Variants in SPON2 observed in about 807,000 individuals in gnomAD.
SPON2 encodes spondin 2, also known as spondin-2.
SPON2 carries 32 observed loss-of-function variants against 29.9 expected under a neutral mutation model. That is an observed-to-expected ratio of 1.07 (90% CI 0.81 to 1.44). The LOEUF is 1.44. Ranked by LOEUF, SPON2 falls within the 40% of genes most tolerant of loss-of-function variation. The probability of loss-of-function intolerance (pLI) is 0.00; values close to 1 mark genes in which losing one functional copy is unlikely to be tolerated. For synonymous variants in SPON2, 248 were observed against 209.1 expected (o/e 1.19, Z -1.61); for missense variants, 541 against 455.5 (o/e 1.19, Z -1.71).
chr4:1,199,243 A>T (rs918230341), upstream of SPON2: 8 of 152,086 alleles, frequency 5.3e-5, no homozygotes, highest in African/African-American at 1.9e-4. This position sits in a 1 kb window ranked among gnomAD's most constrained non-coding sequence, Gnocchi z 4.5. Flanking sequence ...TACTAAAAAC[A>T]CAAAATTAGC....
chr4:1,171,510 G>T (rs369401229), intron 2 of SPON2, 24 bp from the exon 3 acceptor site: 2 of 1,601,492 alleles, frequency 1.2e-6, no homozygotes, highest in African/African-American at 2.7e-5. Flanking sequence ...CGGCCGCGCC[G>T]CGGACCATGG....
intron 1 of SPON2, among the ~76,000 whole-genome samples, chr4:1,206,427 C>T (rs1023215030): frequency 6.6e-6 from 1 of 152,236 alleles, no homozygotes; most frequent in African/African-American, 2.4e-5. Context: ...AGGCCGGCAG[C>T]CCAGGTTGTG....
rs770649471 is a variant in SPON2 at position 1,167,560 on chromosome 4, C to T, written c.908G>A (p.Arg303His). The T allele has an allele frequency of 1.2e-6, 2 of 1,613,604 alleles. No individual in the cohort carries two copies. The highest frequency in any genetic ancestry group is 1.7e-6 in the Non-Finnish European group (2 of 1,179,998). Reference sequence around the variant, plus strand: ...GTTGGCGGGCTGGACCCGGACGTAGCGAGTCCTGCTCTTGGTCCCGAGCCT... The same window carrying T: ...GTTGGCGGGCTGGACCCGGACGTAGTGAGTCCTGCTCTTGGTCCCGAGCCT... ...CGRLGTKSRT[R>H]YVRVQPANNG... The change falls in exon 6 of 6, where the codon CGC becomes CAC. Residue 303 changes from arginine (R) to histidine (H), a missense_variant. By Grantham distance (29) the Arg-to-His change is conservative. Coordinates refer to ENST00000290902, the MANE Select transcript of SPON2 (RefSeq NM_012445.4).
At chr4:1,189,630 CCCTG>C (rs1727866268) in intron 1 of SPON2, among the ~76,000 whole-genome samples, 1 of 118,144 alleles carries the variant, frequency 8.5e-6, no homozygotes. Context: ...CAGAGTGAGA[CCCTG>C]TCTCAAAAAA....
rs774999563 is a variant in SPON2, at chr4:1,167,616, C to T, written c.852G>A (p.Ser284=). The T allele has an allele frequency of 6.2e-7, 1 of 1,613,038 alleles. No individual in the cohort carries two copies. The highest frequency in any genetic ancestry group is 1.1e-5 in the South Asian group (1 of 90,976). ...TPLDCEVSLW[S]SWGLCGGHCG... The stretch of plus-strand genomic sequence containing the variant: ...AGTGGCCTCCGCACAGTCCCCAGGA[C>T]GACCACAGGGAGACCTCGCAGTCCA... Residue 284 remains serine (S), a synonymous_variant, in exon 6 of 6, where the codon TCG becomes TCA. Transcript: ENST00000290902.
intron 1 of SPON2, chr4:1,200,976 T>C: frequency 2.2e-6 from 1 of 456,738 alleles, no homozygotes; most frequent in Non-Finnish European, 4.4e-6. Context: ...CGCCAGGGCC[T>C]TCTAGACGGT....
chr4:1,170,865 A>G (rs1046109449), intron 4 of SPON2, 134 bp downstream of exon 4: 113 of 1,276,290 alleles, frequency 8.9e-5, no homozygotes, highest in Non-Finnish European at 1.2e-4. Flanking sequence ...TGCTGGCGCT[A>G]GAAGCAGAGC....
At chr4:1,200,836 G>A in intron 1 of SPON2, 2 of 456,638 alleles carry the variant, frequency 4.4e-6, no homozygotes, top group Non-Finnish European at 8.8e-6. Flanking sequence ...TGGAGGTGGG[G>A]CCAAGTCTGC....
intron 5 of SPON2, among the ~76,000 whole-genome samples, chr4:1,169,165 C>T (rs974932315): frequency 6.6e-6 from 1 of 152,002 alleles, no homozygotes; most frequent in Non-Finnish European, 1.5e-5. Context: ...GCCATGTGCT[C>T]CCCTGCCCAC....
intron 1 of SPON2, 132 bp downstream of exon 1, chr4:1,172,412 G>A (rs1727489048): frequency 2.3e-6 from 1 of 438,670 alleles, no homozygotes; most frequent in Non-Finnish European, 4.2e-6. Context: ...CTGCCCCCGG[G>A]ACTAGACCCT....
chr4:1,172,121 G>T (rs781152143), intron 1 of SPON2, 47 bp from the exon 2 acceptor site: 3 of 1,551,506 alleles, frequency 1.9e-6, no homozygotes, highest in Non-Finnish European at 1.8e-6. Flanking sequence ...CGTCGTGGCA[G>T]CCTCGGGGTG....
chr4:1,169,905 C>T, intron 5 of SPON2: 1 of 162,578 alleles, frequency 6.2e-6, no homozygotes, highest in Non-Finnish European at 1.3e-5. Flanking sequence ...CCAGCCTGCC[C>T]TGTCCAGCAG....
chr4:1,186,306 TG>T (rs1421846029), intron 1 of SPON2, among the ~76,000 whole-genome samples: 88 of 143,236 alleles, frequency 6.1e-4, no homozygotes, highest in Non-Finnish European at 9.7e-4. Context: ...TGGGAGAAAA[TG>T]TTTTTTTTTT....
chr4:1,171,529 T>C lies in SPON2; in HGVS notation c.221-43A>G, dbSNP rs1225972235. 7 of 1,584,068 alleles carry C rather than the reference T, an allele frequency of 4.4e-6. No individual in the cohort carries two copies. In the Admixed American group the frequency reaches 6.8e-5, roughly 15 times the overall value. ...CGCGCCGCGGACCATGGTCAGACAC[T>C]GCGGTCGGGCTTGGATTCCAGGGGG... On this transcript the variant is annotated intron_variant, in intron 2 of 5. Transcript: ENST00000290902.
In SPON2 at chr4:1,180,791, A is replaced by C. The variant is rs1025362530; in HGVS notation, c.-238-1250T>G. On this transcript the variant is annotated intron_variant, in intron 1 of 3. Coordinates refer to the SPON2 transcript ENST00000502483. ...CAGAAGATTTGAGCAGGTAGTGTAA[A>C]GTGTAAGTAAAAAAGGAAATAGGTA... Among the ~76,000 whole-genome samples the C allele has an allele frequency of 6.6e-5, 10 of 152,336 alleles. No individual in the cohort carries two copies. In the East Asian group the frequency reaches 1.9e-3, roughly 29 times the overall value.
At chr4:1,200,884 C>A (rs1273904369) in intron 1 of SPON2, 8 of 456,586 alleles carry the variant, frequency 1.8e-5, no homozygotes, top group African/African-American at 1.6e-4. Context: ...TGACCCTGAC[C>A]ACTGACTGAG....
rs1192635805 is a variant in SPON2 at position 1,171,151 on chromosome 4, A to T, written c.484T>A (p.Phe162Ile). 1.9e-6 allele frequency: 3 copies of T among 1,553,196 alleles called. No homozygotes were observed. The highest frequency in any genetic ancestry group is 8.7e-7 in the Non-Finnish European group (1 of 1,149,398). ...AGGTCCAGGCTGTCCACGCCCACGA[A>T]CCAGTCGGGGCTGGGCACGATGCGC... ...VVRIVPSPDW[F>I]VGVDSLDLCD... The change falls in exon 4 of 6, where the codon TTC becomes ATC. Residue 162 changes from phenylalanine to isoleucine, a missense_variant. Phe to Ile is a conservative substitution (Grantham distance 21). Transcript: ENST00000290902.
upstream of SPON2, chr4:1,208,536 G>A (rs951128918): frequency 6.6e-5 from 10 of 152,326 alleles, no homozygotes; most frequent in African/African-American, 2.4e-4. Context: ...GGGGCTGCCC[G>A]ACCCTCCCCA....
At position 1,171,166 on chromosome 4, in the gene SPON2, G is replaced by GCA; in HGVS notation, c.467_468dup (p.Pro157CysfsTer55). ...ACGCCCACGAACCAGTCGGGGCTGG[G>GCA]CACGATGCGCACCACAAACGAGACC... On this transcript the variant is annotated frameshift_variant, in exon 4 of 6. Transcript: ENST00000290902. LOFTEE classifies it high-confidence loss of function. 1 of 1,547,704 alleles carries GCA rather than the reference G, an allele frequency of 6.5e-7. No homozygotes were observed. The highest frequency in any genetic ancestry group is 8.7e-7 in the Non-Finnish European group (1 of 1,148,056).
Sources: allele counts gnomAD v4.1 joint callset (sites outside exome capture counted in the v4.1 genomes callset), GRCh38; gene constraint gnomAD v4.1.1; non-coding constraint Gnocchi (gnomAD v3.1); transcripts MANE v1.5; gene names NCBI Gene and HGNC (gene_info 2026-07-23, HGNC 2026-07-21).